The following NCALD variants were observed in gnomAD, a reference collection of about 807,000 sequenced individuals.
The protein encoded by NCALD is neurocalcin delta.
Under a neutral mutation model 18.6 loss-of-function variants are expected in NCALD, and 10 were observed. The ratio of observed to expected loss-of-function variants is 0.54; its 90% CI spans 0.33 to 0.91. The LOEUF (loss-of-function observed/expected upper bound fraction) is 0.91, where lower values mean the gene tolerates loss of function less well. Ranked by LOEUF, NCALD falls within the 40% of genes least tolerant of loss-of-function variation. The pLI is 0.03. For synonymous variants in NCALD, 88 were observed against 87.4 expected, an observed-to-expected ratio of 1.01 and a Z score of -0.04; for missense variants, 184 against 247.6, an observed-to-expected ratio of 0.74 and a Z score of 1.72.
At chr8:101,865,486 T>G (rs776641124) in intron 4 of NCALD, among the ~76,000 whole-genome samples, 18 of 152,102 alleles carry the variant, frequency 1.2e-4, no homozygotes, top group Non-Finnish European at 2.1e-4. Context: ...ATTTTTCTCT[T>G]TGGGGTGTCA....
At chr8:101,904,426 CCTTT>C (rs1817543043) in intron 3 of NCALD, among the ~76,000 whole-genome samples, 2 of 152,112 alleles carry the variant, frequency 1.3e-5, no homozygotes, top group Non-Finnish European at 2.9e-5. Context: ...CCACTTCCTT[CCTTT>C]ATGACTCCAA....
intron 4 of NCALD, among the ~76,000 whole-genome samples, chr8:101,875,537 A>C (rs1816195206): frequency 6.6e-6 from 1 of 151,928 alleles, no homozygotes; most frequent in African/African-American, 2.4e-5. Context: ...TTCCATGACC[A>C]TTGTGGTCTG....
intron 1 of NCALD, among the ~76,000 whole-genome samples, chr8:101,739,324 G>A (rs569045454): frequency 5.9e-5 from 9 of 151,958 alleles, no homozygotes; most frequent in African/African-American, 2.2e-4. Context: ...CTACATTTTG[G>A]GTTGCCTTAA....
intron 2 of NCALD, among the ~76,000 whole-genome samples, chr8:101,710,704 T>G (rs1815743766): frequency 6.6e-6 from 1 of 152,230 alleles, no homozygotes; most frequent in African/African-American, 2.4e-5. Flanking sequence ...TGTTGCCAGA[T>G]GCCTCTCTAG....
At chr8:102,018,470 C>T (rs1049226072) in intron 2 of NCALD, among the ~76,000 whole-genome samples, 8 of 152,144 alleles carry the variant, frequency 5.3e-5, no homozygotes, top group South Asian at 4.2e-4. Flanking sequence ...AAAAAAAATG[C>T]GCCAAGTGAA....
At chr8:102,012,633 C>T (rs1821944710) in intron 2 of NCALD, among the ~76,000 whole-genome samples, 1 of 152,218 alleles carries the variant, frequency 6.6e-6, no homozygotes, top group Non-Finnish European at 1.5e-5. Context: ...TCTTGAGAAG[C>T]AATGCAGAGG....
intron 4 of NCALD, chr8:101,847,144 G>C (rs117485994): frequency 6.5e-6 from 1 of 152,730 alleles, no homozygotes; most frequent in Non-Finnish European, 1.5e-5. Context: ...TAGAAAGTCC[G>C]TTAAAGAAGC....
intron 2 of NCALD, among the ~76,000 whole-genome samples, chr8:102,018,003 A>G (rs1372655429): frequency 6.6e-6 from 1 of 152,228 alleles, no homozygotes; most frequent in Non-Finnish European, 1.5e-5. Context: ...GTTCAATGTC[A>G]TTAGGGAAAT....
intron 2 of NCALD, among the ~76,000 whole-genome samples, chr8:102,005,167 C>T (rs1298974182): frequency 1.3e-5 from 2 of 152,098 alleles, no homozygotes; most frequent in Non-Finnish European, 2.9e-5. Context: ...CTACAATGAA[C>T]TCAAACAAAT....
chr8:101,757,894 T>G (rs926961334), intron 1 of NCALD, among the ~76,000 whole-genome samples: 1 of 152,104 alleles, frequency 6.6e-6, no homozygotes, highest in Non-Finnish European at 1.5e-5. Flanking sequence ...TTTTAACAAT[T>G]TTTTTAGAGC....
chr8:101,809,806 A>C (rs925887023), intron 4 of NCALD, among the ~76,000 whole-genome samples: 2 of 152,120 alleles, frequency 1.3e-5, no homozygotes, highest in African/African-American at 4.8e-5. Context: ...CAGCCTCCCA[A>C]AGTGCTGGGA....
intron 1 of NCALD, among the ~76,000 whole-genome samples, chr8:102,040,439 A>G (rs1490921002): frequency 1.3e-5 from 2 of 151,016 alleles, no homozygotes; most frequent in African/African-American, 4.9e-5. Context: ...GCTCCATGGC[A>G]CTCCAGCCTG....
chr8:101,925,151 CATT>C (rs987646913), intron 2 of NCALD, among the ~76,000 whole-genome samples: 1 of 152,040 alleles, frequency 6.6e-6, no homozygotes, highest in African/African-American at 2.4e-5. Context: ...CAGCCAAAAA[CATT>C]ATAGAGTATC....
At chr8:101,809,244 T>C (rs1813220037) in intron 4 of NCALD, among the ~76,000 whole-genome samples, 1 of 152,190 alleles carries the variant, frequency 6.6e-6, no homozygotes, top group South Asian at 2.1e-4. Flanking sequence ...TATGGATTGA[T>C]GTCTAAGAAA....
intron 3 of NCALD, among the ~76,000 whole-genome samples, chr8:101,912,072 T>C (rs973498561): frequency 2.0e-5 from 3 of 152,296 alleles, no homozygotes; most frequent in Admixed American, 6.5e-5. Flanking sequence ...AAAACGGCCA[T>C]GCCAGTATTT....
rs182743617 is a variant in NCALD, at chr8:101,955,564, A to T, written c.-156-39706T>A. Among the ~76,000 whole-genome samples the T allele has an allele frequency of 1.6e-3, 240 of 152,330 alleles. 3 individuals are homozygous for T. Among genetic ancestry groups the T allele is most frequent in the African/African-American group, 5.0e-3 (209 of 41,580 alleles). ...AGGACTCTAGGAAATACAGTGTTTA[A>T]CAACATAACAGACTCTGCCCTTAAG... On this transcript the variant is annotated intron_variant, in intron 2 of 6. Transcript: ENST00000311028.
chr8:102,009,963 C>T (rs1438893098), intron 2 of NCALD, among the ~76,000 whole-genome samples: 1 of 152,174 alleles, frequency 6.6e-6, no homozygotes, highest in Non-Finnish European at 1.5e-5. Flanking sequence ...ACTGTGTCCC[C>T]CAGTACTGGG....
At chr8:102,055,261 AAAAAAG>A (rs1823610672) in intron 1 of NCALD, among the ~76,000 whole-genome samples, 1 of 143,904 alleles carries the variant, frequency 6.9e-6, no homozygotes, top group Admixed American at 6.9e-5. Context: ...GAAAAAAAAA[AAAAAAG>A]AAGAAGAAGC....
At chr8:101,956,470 C>G (rs752987382) in intron 2 of NCALD, among the ~76,000 whole-genome samples, 2 of 152,164 alleles carry the variant, frequency 1.3e-5, no homozygotes, top group African/African-American at 2.4e-5. Context: ...ACAAATGCTA[C>G]TGCAAACACA....
Sources: gnomAD v4.1 joint callset for allele counts (sites outside exome capture counted in the v4.1 genomes callset) on GRCh38, gnomAD v4.1.1 for gene constraint, MANE v1.5 for transcripts, NCBI Gene and HGNC (gene_info 2026-07-23, HGNC 2026-07-21) for gene names.